CNTLN: variants seen among roughly 807,000 people sequenced by gnomAD.
The protein encoded by CNTLN is centlein.
In CNTLN, 212 loss-of-function variants were observed where a neutral mutation model predicts 180.0. The observed-to-expected ratio is 1.18, with a 90% CI of 1.05 to 1.32. CNTLN has a LOEUF of 1.32. Among genes scored for constraint, CNTLN ranks in the 40% most tolerant of loss-of-function variants. The probability of loss-of-function intolerance (pLI) is 0.00; values close to 1 mark genes in which losing one functional copy is unlikely to be tolerated. For synonymous variants in CNTLN, 722 were observed against 563.1 expected, an observed-to-expected ratio of 1.28 and a Z score of -3.99; for missense variants, 2,095 against 1,610.9, an observed-to-expected ratio of 1.30 and a Z score of -5.14.
At chr9:17,352,417 T>TATATATA (rs1491260148) in intron 12 of CNTLN, among the ~76,000 whole-genome samples, 11 of 12,352 alleles carry the variant, frequency 8.9e-4, no homozygotes, top group Admixed American at 2.0e-3. Flanking sequence ...TATATATATA[T>TATATATA]TTTTTTTTTT....
chr9:17,517,226 T>C, the CNTLN span, among the ~76,000 whole-genome samples: 2 of 151,640 alleles, frequency 1.3e-5, no homozygotes, highest in Admixed American at 6.6e-5. Context: ...CCGTCTCTAC[T>C]AAAAATACAA....
At chr9:17,292,581 T>C (rs1348998480) in intron 6 of CNTLN, among the ~76,000 whole-genome samples, 1 of 152,138 alleles carries the variant, frequency 6.6e-6, no homozygotes, top group Non-Finnish European at 1.5e-5. Context: ...TTTCCTCTGC[T>C]TGGTCAGTTT....
intron 10 of CNTLN, among the ~76,000 whole-genome samples, chr9:17,338,508 C>G (rs1358526968): frequency 6.6e-6 from 1 of 151,316 alleles, no homozygotes; most frequent in African/African-American, 2.4e-5. Flanking sequence ...TAATAAATTT[C>G]TAATATGTCT....
chr9:17,223,863 C>A (rs1294852849), intron 2 of CNTLN, among the ~76,000 whole-genome samples: 1 of 151,944 alleles, frequency 6.6e-6, no homozygotes, highest in African/African-American at 2.4e-5. Context: ...TCTTAGCTAC[C>A]ATTTCCTTAT....
At position 17,312,369 on chromosome 9, in the gene CNTLN, T is replaced by TATATATATATATATATA. The variant is rs1819238664; in HGVS notation, c.1341+3132_1341+3133insTAATATATATATATATA. ...TATATATATATATATATATATTATA[T>TATATATATATATATATA]ATATATATATATATAATTTATTTAT... On this transcript the variant is annotated intron_variant, in intron 8 of 25. Transcript: ENST00000380647. Among the ~76,000 whole-genome samples the TATATATATATATATATA allele has an allele frequency of 6.4e-3, 221 of 34,308 alleles. 6 individuals are homozygous for TATATATATATATATATA. Among genetic ancestry groups the TATATATATATATATATA allele is most frequent in the South Asian group, 0.057 (108 of 1,902 alleles). 22.5% of individuals were successfully genotyped at this position (34,308 alleles called of 152,430 possible).
At chr9:17,461,945 C>T (rs1317070971) in intron 19 of CNTLN, among the ~76,000 whole-genome samples, 1 of 151,652 alleles carries the variant, frequency 6.6e-6, no homozygotes, top group East Asian at 1.9e-4. Context: ...TTCCTAGGCT[C>T]TACTGACAAC....
intron 16 of CNTLN, among the ~76,000 whole-genome samples, chr9:17,410,833 G>C (rs2593389): frequency 1.3e-5 from 2 of 152,082 alleles, no homozygotes; most frequent in South Asian, 4.2e-4. Context: ...TCCAATGTAC[G>C]TAAACATAGG....
chr9:17,495,818 A>T (rs1316951525), intron 25 of CNTLN, among the ~76,000 whole-genome samples: 1 of 151,852 alleles, frequency 6.6e-6, no homozygotes. Flanking sequence ...GTACCATTTT[A>T]TAAAGTCTTC....
rs188257421 is a variant in CNTLN, at chr9:17,382,400, A to G, written c.1988-5762A>G. 5.2e-3 allele frequency among the ~76,000 whole-genome samples: 793 copies of G among 152,312 alleles called. 5 individuals carry two copies. The highest frequency in any genetic ancestry group is 8.2e-3 in the Admixed American group (126 of 15,302). ...TCAAGCCTTCGGAAATGGTCATCCT[A>G]CTTTAACTTAGAGCCAAATCAAGGG... is the stretch of plus-strand genomic sequence containing the variant. On this transcript the variant is annotated intron_variant, in intron 13 of 25. Transcript: ENST00000380647.
chr9:17,154,582 A>C (rs1024030989), intron 2 of CNTLN, among the ~76,000 whole-genome samples: 1 of 152,194 alleles, frequency 6.6e-6, no homozygotes, highest in East Asian at 1.9e-4. Flanking sequence ...GTTGGCCCCA[A>C]CTGGGAGATA....
At chr9:17,159,474 C>G (rs544812520) in intron 2 of CNTLN, among the ~76,000 whole-genome samples, 1 of 152,282 alleles carries the variant, frequency 6.6e-6, no homozygotes, top group African/African-American at 2.4e-5. Flanking sequence ...TGGCATGACA[C>G]CCGTGCATCA....
chr9:17,398,777 G>A (rs1244325541), intron 15 of CNTLN, among the ~76,000 whole-genome samples: 1 of 152,160 alleles, frequency 6.6e-6, no homozygotes, highest in Non-Finnish European at 1.5e-5. Flanking sequence ...ATTATAAAGG[G>A]TTGCAAAACG....
chr9:17,473,063 A>G (rs1832118658), intron 23 of CNTLN, among the ~76,000 whole-genome samples: 1 of 152,154 alleles, frequency 6.6e-6, no homozygotes, highest in Non-Finnish European at 1.5e-5. Context: ...AACCTACTTT[A>G]TTTTGAATCT....
intron 2 of CNTLN, among the ~76,000 whole-genome samples, chr9:17,196,671 A>G (rs1822153553): frequency 2.0e-5 from 3 of 150,984 alleles, no homozygotes; most frequent in South Asian, 2.1e-4. Context: ...TAATGTTTAT[A>G]TATTTTATAT....
At chr9:17,267,595 G>T (rs998028154) in intron 5 of CNTLN, among the ~76,000 whole-genome samples, 18 of 151,928 alleles carry the variant, frequency 1.2e-4, no homozygotes, top group African/African-American at 4.4e-4. Context: ...AAACTTGCTA[G>T]ATTGGGGAAG....
At chr9:17,188,014 A>AGTG (rs2131781617) in intron 2 of CNTLN, among the ~76,000 whole-genome samples, 1 of 28,976 alleles carries the variant, frequency 3.5e-5, no homozygotes, top group South Asian at 1.1e-3. Context: ...TATACACCAT[A>AGTG]TATATATATA....
intron 13 of CNTLN, among the ~76,000 whole-genome samples, chr9:17,383,200 T>C (rs541403880): frequency 6.6e-6 from 1 of 152,304 alleles, no homozygotes; most frequent in Non-Finnish European, 1.5e-5. Context: ...ACACAGATTT[T>C]GGTTGCTTCT....
chr9:17,230,484 C>T (rs1192163928), intron 3 of CNTLN, among the ~76,000 whole-genome samples: 2 of 151,708 alleles, frequency 1.3e-5, no homozygotes, highest in Non-Finnish European at 2.9e-5. Flanking sequence ...AAAAGTGCTT[C>T]TTAGTTTTTT....
At chr9:17,330,093 C>A (rs10963038) in intron 8 of CNTLN, among the ~76,000 whole-genome samples, 7,668 of 152,002 alleles carry the variant, frequency 0.05, 225 homozygotes, top group South Asian at 0.15. Context: ...AGCAGTTTAT[C>A]TGAAACATGA....
Sources: gnomAD v4.1 joint callset for allele counts (sites outside exome capture counted in the v4.1 genomes callset) on GRCh38, gnomAD v4.1.1 for gene constraint, MANE v1.5 for transcripts, NCBI Gene and HGNC (gene_info 2026-07-23, HGNC 2026-07-21) for gene names.